The following STXBP5L variants were observed in gnomAD, a reference collection of about 807,000 sequenced individuals.
STXBP5L encodes syntaxin binding protein 5L, also known as syntaxin-binding protein 5-like.
A neutral mutation model predicts 144.5 loss-of-function variants in STXBP5L; 65 were observed. The observed-to-expected ratio is 0.45, with a 90% CI of 0.37 to 0.55. The LOEUF is 0.55. Ranked by LOEUF, STXBP5L falls within the 20% of genes least tolerant of loss-of-function variation. STXBP5L has a pLI of 0.00. For synonymous variants in STXBP5L, 505 were observed against 469.6 expected (o/e 1.08, Z -0.97); for missense variants, 1,298 against 1,405.5 (o/e 0.92, Z 1.22).
At chr3:121,198,200 T>A (rs1486825730) in intron 9 of STXBP5L, among the ~76,000 whole-genome samples, 1 of 152,256 alleles carries the variant, frequency 6.6e-6, no homozygotes, top group Non-Finnish European at 1.5e-5. Context: ...TGGCGTGAGA[T>A]GGTATCTCAT....
At chr3:121,149,585 AT>A (rs1220512643) in intron 7 of STXBP5L, among the ~76,000 whole-genome samples, 4 of 152,088 alleles carry the variant, frequency 2.6e-5, no homozygotes, top group African/African-American at 4.8e-5. Context: ...GGCAAAGAGA[AT>A]CAACCTTAAA....
intron 5 of STXBP5L, among the ~76,000 whole-genome samples, chr3:121,077,862 G>A (rs1379931662): frequency 6.6e-6 from 1 of 151,996 alleles, no homozygotes; most frequent in African/African-American, 2.4e-5. Context: ...CTAGACACAG[G>A]GTGCTGATTG....
intron 22 of STXBP5L, among the ~76,000 whole-genome samples, chr3:121,398,773 AC>A (rs2108727127): frequency 6.6e-6 from 1 of 152,276 alleles, no homozygotes; most frequent in South Asian, 2.1e-4. Context: ...GATATAATCA[AC>A]TAAATGTGCT....
At position 121,045,496 on chromosome 3, in the gene STXBP5L, G is replaced by A. The variant is rs754894291; in HGVS notation, c.431G>A (p.Arg144Lys). ...TLHLWNLRQK[R>K]PAILHSLKFN... ...CATTTGTGGAACCTTAGACAAAAAA[G>A]GCCAGCCATACTCCATTCTCTTAAA... Residue 144 changes from arginine (R) to lysine (K), a missense_variant, in exon 5 of 27, where the codon AGG (arginine) becomes AAG (lysine). Physicochemically the swap from Arg to Lys is conservative, Grantham distance 26 (BLOSUM62 2). Transcript: ENST00000471454. 3 of 1,613,170 alleles carry A rather than the reference G, an allele frequency of 1.9e-6. 1 individual carries two copies. In the South Asian group the frequency reaches 3.3e-5, roughly 18 times the overall value.
chr3:121,151,494 G>A (rs1174137059), intron 7 of STXBP5L, among the ~76,000 whole-genome samples: 1 of 152,116 alleles, frequency 6.6e-6, no homozygotes, highest in Non-Finnish European at 1.5e-5. Flanking sequence ...AAGATGTCGA[G>A]ATAAGTGATA....
chr3:121,160,926 T>C (rs1023706748), intron 9 of STXBP5L, among the ~76,000 whole-genome samples: 4 of 152,208 alleles, frequency 2.6e-5, no homozygotes, highest in Non-Finnish European at 5.9e-5. Context: ...CTATTAGAGC[T>C]AACATTGTAA....
chr3:120,927,102 A>T (rs887067005), intron 2 of STXBP5L, among the ~76,000 whole-genome samples: 2 of 151,832 alleles, frequency 1.3e-5, no homozygotes, highest in African/African-American at 2.4e-5. Context: ...CAACTGGCAA[A>T]TTTTTTGTAT....
chr3:121,210,884 T>C (rs2048535858), intron 10 of STXBP5L, among the ~76,000 whole-genome samples: 2 of 152,224 alleles, frequency 1.3e-5, no homozygotes, highest in African/African-American at 4.8e-5. Context: ...AGCTTTGTTC[T>C]TTTGGCTTAG....
intron 18 of STXBP5L, among the ~76,000 whole-genome samples, chr3:121,274,046 A>G (rs2050806071): frequency 6.6e-6 from 1 of 152,124 alleles, no homozygotes; most frequent in Non-Finnish European, 1.5e-5. Context: ...ATTTTGAATC[A>G]TTTTTCAGAT....
intron 5 of STXBP5L, among the ~76,000 whole-genome samples, chr3:121,077,963 C>T (rs2042092147): frequency 6.7e-6 from 1 of 150,196 alleles, no homozygotes; most frequent in South Asian, 2.1e-4. Context: ...AAGTCCCCAC[C>T]AGAATAGCTA....
chr3:121,343,883 A>C (rs1293101957), intron 20 of STXBP5L, among the ~76,000 whole-genome samples: 1 of 152,108 alleles, frequency 6.6e-6, no homozygotes. Context: ...TTCTTCACAA[A>C]ATTGGAAAAA....
At chr3:121,248,520 C>T (rs2049930550) in intron 14 of STXBP5L, among the ~76,000 whole-genome samples, 1 of 152,022 alleles carries the variant, frequency 6.6e-6, no homozygotes, top group Non-Finnish European at 1.5e-5. Context: ...TGTTCAAGTT[C>T]CTCATGGATT....
intron 18 of STXBP5L, among the ~76,000 whole-genome samples, chr3:121,273,493 G>C (rs1465252447): frequency 2.0e-5 from 3 of 151,750 alleles, no homozygotes; most frequent in Non-Finnish European, 2.9e-5. Flanking sequence ...CTGTCTTTTG[G>C]ATTGAATCTG....
At chr3:121,071,721 A>G (rs1396386627) in intron 5 of STXBP5L, among the ~76,000 whole-genome samples, 1 of 152,214 alleles carries the variant, frequency 6.6e-6, no homozygotes, top group Non-Finnish European at 1.5e-5. Flanking sequence ...TGAGGCTAAC[A>G]GGTATTCTTT....
intron 20 of STXBP5L, among the ~76,000 whole-genome samples, chr3:121,349,472 G>A (rs1181077258): frequency 6.6e-6 from 1 of 152,052 alleles, no homozygotes; most frequent in African/African-American, 2.4e-5. Context: ...TGTCTATTAG[G>A]TCTGCTTGGT....
intron 20 of STXBP5L, among the ~76,000 whole-genome samples, chr3:121,340,657 G>A (rs1222498134): frequency 6.6e-6 from 1 of 152,082 alleles, no homozygotes; most frequent in African/African-American, 2.4e-5. Flanking sequence ...CAAAGGACAT[G>A]AACTCATCCT....
At position 121,252,791 on chromosome 3, in the gene STXBP5L, T is replaced by C. The variant is rs546150739; in HGVS notation, c.1441+2028T>C. 2.0e-5 allele frequency among the ~76,000 whole-genome samples: 3 copies of C among 152,378 alleles called. No individual in the cohort carries two copies. The East Asian group carries it at 5.8e-4, about 29-fold the overall frequency. On this transcript the variant is annotated intron_variant, in intron 15 of 26. Coordinates refer to ENST00000471454, the MANE Select transcript of STXBP5L (RefSeq NM_001308330.2). ...TTTCTGTGTGTTAGGAATTTGATTA[T>C]ACCTTCGCTGGGTCCTTTGCTCAGG...
intron 5 of STXBP5L, among the ~76,000 whole-genome samples, chr3:121,047,072 G>C (rs756986783): frequency 1.7e-4 from 26 of 152,064 alleles, no homozygotes; most frequent in Non-Finnish European, 3.1e-4. Context: ...AGTAGTTCCA[G>C]AGAATTTCTT....
intron 5 of STXBP5L, among the ~76,000 whole-genome samples, chr3:121,093,589 G>C (rs2042945869): frequency 2.0e-5 from 3 of 152,160 alleles, no homozygotes; most frequent in Admixed American, 1.3e-4. Flanking sequence ...GCTGATGGTA[G>C]TTTATATTTC....
Sources: allele counts gnomAD v4.1 joint callset (sites outside exome capture counted in the v4.1 genomes callset), GRCh38; gene constraint gnomAD v4.1.1; transcripts MANE v1.5; gene names NCBI Gene and HGNC (gene_info 2026-07-23, HGNC 2026-07-21).